Variants in RTL10 observed in about 807,000 individuals in gnomAD.
RTL10 encodes the protein protein Bop.
For missense variants in RTL10, 477 were observed against 470.7 expected, an observed-to-expected ratio of 1.01 and a Z score of -0.12; for synonymous variants, 199 against 188.4, an observed-to-expected ratio of 1.06 and a Z score of -0.46.
chr22:19,850,455 A>T lies in RTL10; in HGVS notation c.*712T>A. The T allele has an allele frequency of 1.0e-6, 1 of 999,114 alleles. No individual in the cohort carries two copies. Among genetic ancestry groups the T allele is most frequent in the Non-Finnish European group, 1.2e-6 (1 of 839,430 alleles). The allele number at this position is 999,114 out of a possible 1,614,324, so 61.9% of individuals were successfully genotyped here. On this transcript the variant is annotated 3_prime_UTR_variant, in exon 3 of 3. Transcript: ENST00000328554. ...GAAGAGGAGCCTGCTTCAGAACACC[A>T]GGCACGATTAGAGCTACAGTGTTAA... is the stretch of plus-strand genomic sequence containing the variant.
At position 19,849,388 on chromosome 22, in the gene RTL10, GAT is replaced by G; in HGVS notation, c.*1777_*1778del. 12 of 701,372 alleles carry G rather than the reference GAT, an allele frequency of 1.7e-5. No individual in the cohort carries two copies. Among genetic ancestry groups the G allele is most frequent in the African/African-American group, 2.2e-5 (1 of 45,974 alleles). 43.4% of individuals were successfully genotyped at this position (701,372 alleles called of 1,614,324 possible). Reference sequence around the variant, plus strand: ...TTTTTTGTTGTTTTTTTTTTTTTGGGATGGAGTTTCACTCTTGTTGTCCAGGC... The same window carrying G: ...TTTTTTGTTGTTTTTTTTTTTTTGGGGGAGTTTCACTCTTGTTGTCCAGGC... On this transcript the variant is annotated 3_prime_UTR_variant, in exon 3 of 3. Coordinates refer to ENST00000328554, the MANE Select transcript of RTL10 (RefSeq NM_024627.6).
At position 19,850,571 on chromosome 22, in the gene RTL10, T is replaced by C. The variant is rs143553888; in HGVS notation, c.*596A>G. 3 of 1,146,260 alleles carry C rather than the reference T, an allele frequency of 2.6e-6. No homozygotes were observed. The African/African-American group carries it at 4.8e-5, about 18-fold the overall frequency. The allele number at this position is 1,146,260 out of a possible 1,614,324, so 71.0% of individuals were successfully genotyped here. A position where few individuals can be genotyped will look rare whatever the true frequency, so the allele number is the denominator to read the frequency against. ...AAACCTTCCAGCTGCCCAGAACTGC[T>C]GGTAATCCCACAGGAAACATCATTC... On this transcript the variant is annotated 3_prime_UTR_variant, in exon 3 of 3. Coordinates refer to ENST00000328554, the MANE Select transcript of RTL10 (RefSeq NM_024627.6).
In RTL10 at chr22:19,852,352, G is replaced by A. The variant is rs796983643; in HGVS notation, c.-91C>T. 3.3e-5 allele frequency: 47 copies of A among 1,418,210 alleles called. No individual in the cohort carries two copies. In the African/African-American group the frequency reaches 4.0e-4, roughly 12 times the overall value. 87.9% of individuals were successfully genotyped at this position (1,418,210 alleles called of 1,614,324 possible). A position where few individuals can be genotyped will look rare whatever the true frequency, so the allele number is the denominator to read the frequency against. On this transcript the variant is annotated 5_prime_UTR_variant, in exon 3 of 3. Coordinates refer to ENST00000328554, the MANE Select transcript of RTL10 (RefSeq NM_024627.6). ...TGGCTTGCACGACACAACAGGACAGGGATGGCTGAACAGGGCGTGGCAGAC... is the reference window on the plus strand; with the variant it reads ...TGGCTTGCACGACACAACAGGACAGAGATGGCTGAACAGGGCGTGGCAGAC...
chr22:19,849,020 C>T lies in RTL10; in HGVS notation c.*2147G>A. Reference sequence around the variant, plus strand: ...CATCAGGGAGCAGTCTGACCCAACCCACAAAAGGGGGGATGGGGCCTGAGT... The same window carrying T: ...CATCAGGGAGCAGTCTGACCCAACCTACAAAAGGGGGGATGGGGCCTGAGT... On this transcript the variant is annotated 3_prime_UTR_variant, in exon 3 of 3. Transcript: ENST00000328554. The T allele has an allele frequency of 1.0e-6, 1 of 985,496 alleles. No homozygotes were observed. Among genetic ancestry groups the T allele is most frequent in the Non-Finnish European group, 1.2e-6 (1 of 829,984 alleles). 61.0% of individuals were successfully genotyped at this position (985,496 alleles called of 1,614,324 possible).
At position 19,848,812 on chromosome 22, in the gene RTL10, C is replaced by T; in HGVS notation, c.*2355G>A. On this transcript the variant is annotated 3_prime_UTR_variant, in exon 3 of 3. Coordinates refer to ENST00000328554, the MANE Select transcript of RTL10 (RefSeq NM_024627.6). ...GGACAGGGTTCAAAAGAGAAGGCAG[C>T]AATCCCAGGCTGGAGTATCCACTTC... The T allele has an allele frequency of 1.0e-6, 1 of 985,372 alleles. No homozygotes were observed. The highest frequency in any genetic ancestry group is 1.2e-6 in the Non-Finnish European group (1 of 829,876). 61.0% of individuals were successfully genotyped at this position (985,372 alleles called of 1,614,324 possible). A position where few individuals can be genotyped will look rare whatever the true frequency, so the allele number is the denominator to read the frequency against.
chr22:19,848,537 C>T lies in RTL10; in HGVS notation c.*2630G>A, dbSNP rs778087326. The T allele has an allele frequency of 1.1e-5, 11 of 985,552 alleles. No homozygotes were observed. Among genetic ancestry groups the T allele is most frequent in the Non-Finnish European group, 1.3e-5 (11 of 829,984 alleles). The allele number at this position is 985,552 out of a possible 1,614,324, so 61.1% of individuals were successfully genotyped here. The stretch of plus-strand genomic sequence containing the variant: ...CCATGCCAGAGTCCATCGTTGCCTC[C>T]ACCCTACCTGTGCAGGAAACCTGGA... On this transcript the variant is annotated 3_prime_UTR_variant, in exon 3 of 3. Transcript: ENST00000328554.
At position 19,852,176 on chromosome 22, in the gene RTL10, T is replaced by G. The variant is rs771923613; in HGVS notation, c.86A>C (p.Gln29Pro). 3 of 1,613,918 alleles carry G rather than the reference T, an allele frequency of 1.9e-6. No homozygotes were observed. The highest frequency in any genetic ancestry group is 2.5e-6 in the Non-Finnish European group (3 of 1,180,046). ...CACCCCAGGAGACGCCTTGTCCATC[T>G]GCTGCCATGGATGTGCGTTGGCATA... The part of the protein sequence containing the change: ...ANYANAHPWQ[Q>P]MDKASPGVAY... Residue 29 changes from glutamine (Q) to proline (P), a missense_variant, in exon 3 of 3, where the codon CAG becomes CCG. Gln to Pro is a moderately conservative substitution (Grantham distance 76). Coordinates refer to ENST00000328554, the MANE Select transcript of RTL10 (RefSeq NM_024627.6).
rs193000806 is a variant in RTL10 at position 19,847,296 on chromosome 22, T to C, written c.*3871A>G. 2.6e-4 allele frequency: 256 copies of C among 984,990 alleles called. No individual in the cohort carries two copies. The highest frequency in any genetic ancestry group is 4.3e-4 in the Admixed American group (7 of 16,296). 61.0% of individuals were successfully genotyped at this position (984,990 alleles called of 1,614,324 possible). A position where few individuals can be genotyped will look rare whatever the true frequency, so the allele number is the denominator to read the frequency against. ...CTGCGCTGTTGGAGATCTTTGTTAC[T>C]GCAGCACAATCTGGCTCATGCTGAC... On this transcript the variant is annotated 3_prime_UTR_variant, in exon 3 of 3. Coordinates refer to ENST00000328554, the MANE Select transcript of RTL10 (RefSeq NM_024627.6).
chr22:19,846,325 G>C lies in RTL10; in HGVS notation c.*4842C>G. On this transcript the variant is annotated 3_prime_UTR_variant, in exon 3 of 3. Coordinates refer to ENST00000328554, the MANE Select transcript of RTL10 (RefSeq NM_024627.6). ...CAGAAAGTTACAACCTGGGAATACA[G>C]GATAATGCCTTTGTACCCCCCAGGT... The C allele has an allele frequency of 5.8e-6, 4 of 687,160 alleles. No individual in the cohort carries two copies. Among genetic ancestry groups the C allele is most frequent in the Non-Finnish European group, 7.2e-6 (4 of 556,848 alleles). 42.6% of individuals were successfully genotyped at this position (687,160 alleles called of 1,614,324 possible). A position where few individuals can be genotyped will look rare whatever the true frequency, so the allele number is the denominator to read the frequency against.
chr22:19,847,641 G>A lies in RTL10; in HGVS notation c.*3526C>T. 1.1e-6 allele frequency: 1 copy of A among 944,808 alleles called. No individual in the cohort carries two copies. Among genetic ancestry groups the A allele is most frequent in the Non-Finnish European group, 1.3e-6 (1 of 793,842 alleles). The allele number at this position is 944,808 out of a possible 1,614,324, so 58.5% of individuals were successfully genotyped here. On this transcript the variant is annotated 3_prime_UTR_variant, in exon 3 of 3. Transcript: ENST00000328554. Reference sequence around the variant, plus strand: ...CGAACCATGACCACCCCTGGCAAGAGCCTTCATGCACCTAGCAAGTAGTCA... The same window carrying A: ...CGAACCATGACCACCCCTGGCAAGAACCTTCATGCACCTAGCAAGTAGTCA...
In RTL10 at chr22:19,851,351, G is replaced by A. The variant is rs763737723; in HGVS notation, c.911C>T (p.Ser304Leu). ...CTGGGCAGGAGGATTAGCTGACTCC[G>A]ACAGTCTAGGGACAGGTGTGGGGGC... ...EAAPTPVPRL[S>L]ESANPPAQRP... The change falls in exon 3 of 3, where the codon TCG becomes TTG. Residue 304 changes from serine (S) to leucine (L), a missense_variant. By Grantham distance (145) the Ser-to-Leu change is moderately radical (BLOSUM62 -2). Transcript: ENST00000328554. The A allele has an allele frequency of 1.4e-5, 22 of 1,614,146 alleles. No homozygotes were observed. In the East Asian group the frequency reaches 2.7e-4, roughly 20 times the overall value.
At position 19,852,079 on chromosome 22, in the gene RTL10, G is replaced by A. The variant is rs774401095; in HGVS notation, c.183C>T (p.Thr61=). 2 of 1,614,096 alleles carry A rather than the reference G, an allele frequency of 1.2e-6. No individual in the cohort carries two copies. Among genetic ancestry groups the A allele is most frequent in the East Asian group, 4.5e-5 (2 of 44,890 alleles). The change falls in exon 3 of 3, where the codon ACC becomes ACT. Residue 61 remains threonine (T), a synonymous_variant. Transcript: ENST00000328554. ...CACTAGCTGTGCTCTTCTGCTCCAT[G>A]GTCGTTCGCACACACACGGTGTCCC... ...CCGDTVCVRT[T]MEQKSTASGT... is the part of the protein sequence containing the mutation.
Position 19,850,152 on chromosome 22 carries a change from C to CA in RTL10, c.*1014_*1015insT, listed in dbSNP as rs1275777936. The CA allele has an allele frequency of 1.0e-6, 1 of 985,404 alleles. No homozygotes were observed. The highest frequency in any genetic ancestry group is 1.2e-6 in the Non-Finnish European group (1 of 830,058). 61.0% of individuals were successfully genotyped at this position (985,404 alleles called of 1,614,324 possible). ...CCAGAAACCACAGCTGCAATGCTGACCTGGAATGCTCATGGCCAGGCCTCT... is the reference window on the plus strand; with the variant it reads ...CCAGAAACCACAGCTGCAATGCTGACACTGGAATGCTCATGGCCAGGCCTCT... On this transcript the variant is annotated 3_prime_UTR_variant, in exon 3 of 3. Transcript: ENST00000328554.
In RTL10 at chr22:19,852,116, C is replaced by T. The variant is rs753039712; in HGVS notation, c.146G>A (p.Arg49Gln). Residue 49 changes from arginine (R) to glutamine (Q), a missense_variant, in exon 3 of 3, where the codon CGG becomes CAG. Transcript: ENST00000328554. ...YTPLVDPWIE[R>Q]PCCGDTVCVR... is the part of the protein sequence containing the mutation. The stretch of plus-strand genomic sequence containing the variant: ...ACACACGGTGTCCCCACAGCAGGGC[C>T]GCTCAATCCAGGGATCCACAAGGGG... 1.9e-5 allele frequency: 31 copies of T among 1,614,098 alleles called. No homozygotes were observed. The highest frequency in any genetic ancestry group is 2.2e-5 in the Non-Finnish European group (26 of 1,180,054).
rs551978116 is a variant in RTL10 at position 19,849,624 on chromosome 22, C to T, written c.*1543G>A. ...TCAGGTGATCCACCCACCTTGGCCT[C>T]CCAGAGTGCTGGGATTACAGGTGTG... On this transcript the variant is annotated 3_prime_UTR_variant, in exon 3 of 3. Transcript: ENST00000328554. 3.2e-6 allele frequency: 3 copies of T among 945,388 alleles called. No homozygotes were observed. The highest frequency in any genetic ancestry group is 3.8e-6 in the Non-Finnish European group (3 of 793,484). The allele number at this position is 945,388 out of a possible 1,614,324, so 58.6% of individuals were successfully genotyped here.
rs1003457718 is a variant in RTL10 at position 19,854,439 on chromosome 22, C to G, written c.-226+4G>C. ...AGGCCCACGGCAACAAGAAGCCCAC[C>G]CACCTGAGGCTACGCGAATCGCCCG... On this transcript the variant is annotated splice_donor_region_variant and intron_variant, in intron 2 of 2. Coordinates refer to ENST00000328554, the MANE Select transcript of RTL10 (RefSeq NM_024627.6). 1 of 152,740 alleles carries G rather than the reference C, an allele frequency of 6.5e-6. No homozygotes were observed. The highest frequency in any genetic ancestry group is 1.5e-5 in the Non-Finnish European group (1 of 68,094). The allele number at this position is 152,740 out of a possible 1,614,324, so 9.5% of individuals were successfully genotyped here. A position where few individuals can be genotyped will look rare whatever the true frequency, so the allele number is the denominator to read the frequency against.
At position 19,846,867 on chromosome 22, in the gene RTL10, T is replaced by C. The variant is rs897531848; in HGVS notation, c.*4300A>G. ...CAGAATCATGAGGAAATGTCTGTTGTTTAAGTCCCCTAGCCTGCGGTCCTT... is the reference window on the plus strand; with the variant it reads ...CAGAATCATGAGGAAATGTCTGTTGCTTAAGTCCCCTAGCCTGCGGTCCTT... On this transcript the variant is annotated 3_prime_UTR_variant, in exon 3 of 3. Coordinates refer to ENST00000328554, the MANE Select transcript of RTL10 (RefSeq NM_024627.6). 1.1e-6 allele frequency: 1 copy of C among 934,728 alleles called. No homozygotes were observed. Among genetic ancestry groups the C allele is most frequent in the Admixed American group, 6.2e-5 (1 of 16,232 alleles). The allele number at this position is 934,728 out of a possible 1,614,324, so 57.9% of individuals were successfully genotyped here.
In RTL10 at chr22:19,851,663, G is replaced by A; in HGVS notation, c.599C>T (p.Ser200Phe). 1 of 1,594,948 alleles carries A rather than the reference G, an allele frequency of 6.3e-7. No homozygotes were observed. The highest frequency in any genetic ancestry group is 8.6e-7 in the Non-Finnish European group (1 of 1,168,648). ...CTGAGGGGCCACTGGCAGCTGGCTG[G>A]AGGCCAGGGGCAGGGGACAGGTAAC... Reference protein sequence around the residue: ...AVVTCPLPLASSQLPVAPQLP... With the variant: ...AVVTCPLPLAFSQLPVAPQLP... The change falls in exon 3 of 3, where the codon TCC (serine) becomes TTC (phenylalanine). Residue 200 changes from serine to phenylalanine, a missense_variant. Ser to Phe is a radical substitution (Grantham distance 155). Coordinates refer to ENST00000328554, the MANE Select transcript of RTL10 (RefSeq NM_024627.6).
In RTL10 at chr22:19,850,006, T is replaced by C. The variant is rs1938056523; in HGVS notation, c.*1161A>G. 4.1e-6 allele frequency: 4 copies of C among 985,564 alleles called. No individual in the cohort carries two copies. The highest frequency in any genetic ancestry group is 6.1e-5 in the Admixed American group (1 of 16,266). 61.1% of individuals were successfully genotyped at this position (985,564 alleles called of 1,614,324 possible). On this transcript the variant is annotated 3_prime_UTR_variant, in exon 3 of 3. Coordinates refer to ENST00000328554, the MANE Select transcript of RTL10 (RefSeq NM_024627.6). Reference sequence around the variant, plus strand: ...CTGGGGCCTCACAGCTCTGGACTGCTGCCTGGTCCTCACTTCACCTACAGC... The same window carrying C: ...CTGGGGCCTCACAGCTCTGGACTGCCGCCTGGTCCTCACTTCACCTACAGC...
Sources: gnomAD v4.1 joint callset for allele counts on GRCh38, gnomAD v4.1.1 for gene constraint, MANE v1.5 for transcripts, NCBI Gene and HGNC (gene_info 2026-07-23, HGNC 2026-07-21) for gene names.